Variants in ANKRD36 observed in about 807,000 individuals in gnomAD.
The protein encoded by ANKRD36 is ankyrin repeat domain 36, also known as ankyrin repeat domain-containing protein 36A.
A neutral mutation model predicts 278.1 loss-of-function variants in ANKRD36; 179 were observed. That is an observed-to-expected ratio of 0.64 (90% CI 0.57 to 0.73). ANKRD36 has a LOEUF of 0.73. ANKRD36 is among the 30% of genes least tolerant of loss of function. The pLI is 0.00. For synonymous variants in ANKRD36, 320 were observed against 641.1 expected (o/e 0.50, Z 7.57); for missense variants, 1,159 against 1,956.7 (o/e 0.59, Z 7.69).
chr2:97,116,390 C>A (rs1195649299), intron 1 of ANKRD36, among the ~76,000 whole-genome samples: 1 of 152,020 alleles, frequency 6.6e-6, no homozygotes, highest in Non-Finnish European at 1.5e-5. Flanking sequence ...TCTCCCACCT[C>A]AGCCTCCTGA....
intron 6 of ANKRD36, among the ~76,000 whole-genome samples, chr2:97,131,605 G>A (rs1292002613): frequency 6.6e-6 from 1 of 151,994 alleles, no homozygotes; most frequent in African/African-American, 2.4e-5. Flanking sequence ...CATTTTAAAT[G>A]CAGTTTTTGA....
chr2:97,212,927 G>C, intron 58 of ANKRD36: 1 of 283,006 alleles, frequency 3.5e-6, no homozygotes, highest in Non-Finnish European at 6.6e-6. Flanking sequence ...GAAGAGACGT[G>C]AAGTGTACGT....
chr2:97,179,284 A>T (rs2055392291), intron 22 of ANKRD36, among the ~76,000 whole-genome samples: 1 of 151,622 alleles, frequency 6.6e-6, no homozygotes. Flanking sequence ...CTTCTCACTG[A>T]TCAATCAAGT....
chr2:97,204,990 A>G (rs1206382885), intron 50 of ANKRD36, among the ~76,000 whole-genome samples: 3 of 151,526 alleles, frequency 2.0e-5, no homozygotes, highest in Non-Finnish European at 4.4e-5. Flanking sequence ...AAACTTGAAT[A>G]TGAATACATT....
chr2:97,211,410 A>G (rs1210225022), intron 56 of ANKRD36, 136 bp from the exon 57 acceptor site: 11 of 1,367,694 alleles, frequency 8.0e-6, no homozygotes, highest in African/African-American at 2.9e-5. Flanking sequence ...TCTGGTCCCC[A>G]GACACAAAGT....
chr2:97,140,586 G>T (rs930773974), intron 6 of ANKRD36, among the ~76,000 whole-genome samples: 1 of 152,024 alleles, frequency 6.6e-6, no homozygotes, highest in Non-Finnish European at 1.5e-5. Context: ...TGTGAGTGAA[G>T]AACAGCTGTG....
chr2:97,133,896 A>G (rs1266576721), intron 6 of ANKRD36, among the ~76,000 whole-genome samples: 1 of 151,724 alleles, frequency 6.6e-6, no homozygotes, highest in African/African-American at 2.4e-5. Context: ...TACATTTGTT[A>G]CAACTGAGAA....
At chr2:97,131,375 T>G (rs963920128) in intron 6 of ANKRD36, among the ~76,000 whole-genome samples, 12 of 151,962 alleles carry the variant, frequency 7.9e-5, no homozygotes, top group African/African-American at 2.4e-4. Context: ...TTATTTTTTA[T>G]TTTTTAGAGA....
intron 40 of ANKRD36, 82 bp downstream of exon 40, chr2:97,194,999 T>A: frequency 1.3e-6 from 2 of 1,506,696 alleles, no homozygotes; most frequent in Admixed American, 4.0e-5. Flanking sequence ...GGGGGGCTGG[T>A]CAAAGATGCA....
At chr2:97,131,847 G>T (rs1045982105) in intron 6 of ANKRD36, among the ~76,000 whole-genome samples, 6 of 147,646 alleles carry the variant, frequency 4.1e-5, no homozygotes, top group African/African-American at 1.2e-4. Context: ...TTTTTTTTTT[G>T]AGGCTGAGTC....
At chr2:97,171,440 C>CT (rs1173673209) in intron 22 of ANKRD36, among the ~76,000 whole-genome samples, 3 of 143,402 alleles carry the variant, frequency 2.1e-5, no homozygotes, top group African/African-American at 7.8e-5. Context: ...TCTCAGTAAA[C>CT]TATCGCAAGA....
chr2:97,133,127 T>C (rs2040595157), intron 6 of ANKRD36, among the ~76,000 whole-genome samples: 1 of 152,072 alleles, frequency 6.6e-6, no homozygotes, highest in Admixed American at 6.6e-5. Flanking sequence ...CAGTTTTGCA[T>C]GTAGGCCTTT....
At chr2:97,200,666 G>C (rs1306279423) in intron 46 of ANKRD36, 141 bp downstream of exon 46, 84 of 1,379,860 alleles carry the variant, frequency 6.1e-5, no homozygotes, top group Non-Finnish European at 7.9e-5. Context: ...CAAGTTCTTG[G>C]GTTATGCTGA....
chr2:97,187,758 C>T (rs1332181901), intron 32 of ANKRD36, among the ~76,000 whole-genome samples: 13 of 151,750 alleles, frequency 8.6e-5, no homozygotes, highest in South Asian at 2.1e-4. Context: ...ATTCTACAGA[C>T]GTCACATAGT....
chr2:97,187,236 C>G lies in ANKRD36; in HGVS notation c.2070+10C>G, dbSNP rs771340011. ...ACAACCAGCCTTGAAGGTAATTAAA[C>G]TCTCATTTATATTGTGAACTAGTAA... On this transcript the variant is annotated intron_variant, in intron 31 of 75. Transcript: ENST00000420699. 6.2e-7 allele frequency: 1 copy of G among 1,609,710 alleles called. No individual in the cohort carries two copies. The highest frequency in any genetic ancestry group is 8.5e-7 in the Non-Finnish European group (1 of 1,178,756).
Position 97,113,774 on chromosome 2 carries a change from T to G in ANKRD36, c.35T>G (p.Leu12Arg), listed in dbSNP as rs766112410. 9 of 1,612,890 alleles carry G rather than the reference T, an allele frequency of 5.6e-6. No individual in the cohort carries two copies. The South Asian group carries it at 9.9e-5, about 18-fold the overall frequency. The change falls in exon 1 of 76, where the codon CTC becomes CGC. Residue 12 changes from leucine to arginine, a missense_variant. Physicochemically the swap from Leu to Arg is moderately radical, Grantham distance 102 (BLOSUM62 -2). Coordinates refer to ENST00000420699, the MANE Select transcript of ANKRD36 (RefSeq NM_001354587.1). ...EDGKRERWPT[L>R]MERLCSDGFA... ...GGCAAGCGGGAGAGGTGGCCCACCC[T>G]CATGGAGCGCTTGTGCTCGGATGGC...
chr2:97,203,971 G>A, intron 48 of ANKRD36, 97 bp from the exon 49 acceptor site: 3 of 1,505,482 alleles, frequency 2.0e-6, no homozygotes, highest in South Asian at 2.5e-5. Context: ...CGCTAATACA[G>A]GCAGGAGGAC....
chr2:97,162,132 G>A lies in ANKRD36; in HGVS notation c.1423G>A (p.Ala475Thr), dbSNP rs547209256. 2.5e-3 allele frequency: 3,721 copies of A among 1,480,714 alleles called. No individual in the cohort carries two copies. The African/African-American group carries it at 0.051, about 20-fold the overall frequency. 91.7% of individuals were successfully genotyped at this position (1,480,714 alleles called of 1,614,324 possible). A position where few individuals can be genotyped will look rare whatever the true frequency, so the allele number is the denominator to read the frequency against. The change falls in exon 18 of 76, where the codon GCA becomes ACA. Residue 475 changes from alanine (A) to threonine (T), a missense_variant. Transcript: ENST00000420699. ...GKALPATGQK[A>T]NVSPEQPPLF... ...AGCACTACCAGCAACTGGACAAAAA[G>A]CAAATGGTATTGGTATTATAAAAAG...
intron 31 of ANKRD36, 25 bp from the exon 32 acceptor site, chr2:97,187,304 T>C: frequency 1.3e-6 from 2 of 1,597,288 alleles, no homozygotes; most frequent in Non-Finnish European, 1.7e-6. Flanking sequence ...TATTTATTTA[T>C]TATTTTCTTT....
Sources: allele counts gnomAD v4.1 joint callset (sites outside exome capture counted in the v4.1 genomes callset), GRCh38; gene constraint gnomAD v4.1.1; transcripts MANE v1.5; gene names NCBI Gene and HGNC (gene_info 2026-07-23, HGNC 2026-07-21).